Variants in CORO2B observed in about 807,000 individuals in gnomAD.
CORO2B encodes coronin-2B.
Under a neutral mutation model 58.8 loss-of-function variants are expected in CORO2B, and 26 were observed. The observed-to-expected ratio is 0.44, with a 90% CI of 0.32 to 0.61. CORO2B has a LOEUF of 0.61. CORO2B is among the 20% of genes least tolerant of loss of function. The pLI is 0.04. For synonymous variants in CORO2B, 242 were observed against 253.8 expected, an observed-to-expected ratio of 0.95 and a Z score of 0.44; for missense variants, 460 against 645.1, an observed-to-expected ratio of 0.71 and a Z score of 3.11.
At chr15:68,692,210 T>G (rs893834798) in intron 2 of CORO2B, among the ~76,000 whole-genome samples, 1 of 152,228 alleles carries the variant, frequency 6.6e-6, no homozygotes, top group Non-Finnish European at 1.5e-5. Flanking sequence ...TCATACCTAA[T>G]TAACAGGGTT....
At chr15:68,703,236 C>T (rs931605519) in intron 3 of CORO2B, among the ~76,000 whole-genome samples, 6 of 148,924 alleles carry the variant, frequency 4.0e-5, no homozygotes, top group East Asian at 2.0e-4. Context: ...CTGCAACCTC[C>T]GACTCCCTGG....
At chr15:68,611,654 A>G (rs1164746493) in intron 1 of CORO2B, among the ~76,000 whole-genome samples, 2 of 152,190 alleles carry the variant, frequency 1.3e-5, no homozygotes, top group East Asian at 1.9e-4. Context: ...TTATTAAGAT[A>G]TGGAATGTGC....
intron 1 of CORO2B, among the ~76,000 whole-genome samples, chr15:68,605,450 A>G (rs1295686046): frequency 6.6e-6 from 1 of 152,254 alleles, no homozygotes; most frequent in Non-Finnish European, 1.5e-5. Flanking sequence ...GCCTAATGGT[A>G]TGAGACTGGC....
chr15:68,566,761 C>A, the CORO2B span, among the ~76,000 whole-genome samples: 1 of 152,182 alleles, frequency 6.6e-6, no homozygotes, highest in Non-Finnish European at 1.5e-5. Flanking sequence ...TATCCAGGCA[C>A]CCTTGGGGTG....
the CORO2B span, among the ~76,000 whole-genome samples, chr15:68,532,984 TG>T: frequency 1.5e-4 from 23 of 152,222 alleles, no homozygotes; most frequent in African/African-American, 5.5e-4. Context: ...AGCCTCCACA[TG>T]GATGGCTTAT....
At chr15:68,615,877 A>G (rs542660034) in intron 1 of CORO2B, among the ~76,000 whole-genome samples, 248 of 152,316 alleles carry the variant, frequency 1.6e-3, no homozygotes, top group Middle Eastern at 3.4e-3. Flanking sequence ...GCCTGAAAGG[A>G]CTGAGACAAG....
In CORO2B at chr15:68,707,064, G is replaced by A. The variant is rs370966777; in HGVS notation, c.334-3668G>A. On this transcript the variant is annotated intron_variant, in intron 3 of 11. Coordinates refer to ENST00000261861, the MANE Select transcript of CORO2B (RefSeq NM_006091.5). The stretch of plus-strand genomic sequence containing the variant: ...CAAGCTCCACCTCCCAGGTTCCAGC[G>A]ATAGTCCTGCCTCAGCCTCCTGAGT... Among the ~76,000 whole-genome samples the A allele has an allele frequency of 3.3e-3, 503 of 152,190 alleles. 4 individuals carry two copies. Among genetic ancestry groups the A allele is most frequent in the African/African-American group, 0.01 (431 of 41,536 alleles).
intron 1 of CORO2B, among the ~76,000 whole-genome samples, chr15:68,637,952 C>A (rs768154620): frequency 2.6e-5 from 4 of 152,196 alleles, no homozygotes; most frequent in Non-Finnish European, 4.4e-5. Flanking sequence ...GATCCGAGGA[C>A]AGGATACAAT....
intron 2 of CORO2B, among the ~76,000 whole-genome samples, chr15:68,674,310 G>A (rs1220852334): frequency 6.6e-6 from 1 of 152,230 alleles, no homozygotes; most frequent in Non-Finnish European, 1.5e-5. Context: ...GCTTCGGGAC[G>A]GTGGGTAGTA....
chr15:68,567,777 T>A, the CORO2B span, among the ~76,000 whole-genome samples: 1 of 152,294 alleles, frequency 6.6e-6, no homozygotes, highest in Admixed American at 6.5e-5. Flanking sequence ...ATCCCAGCAC[T>A]TTGGGAGGCC....
intron 1 of CORO2B, among the ~76,000 whole-genome samples, chr15:68,593,024 A>G (rs1168077983): frequency 4.6e-5 from 7 of 152,188 alleles, no homozygotes; most frequent in Non-Finnish European, 5.9e-5. Flanking sequence ...GCATCTGGTG[A>G]GGGTCATCCC....
chr15:68,564,310 T>G, the CORO2B span, among the ~76,000 whole-genome samples: 1 of 151,032 alleles, frequency 6.6e-6, no homozygotes, highest in Non-Finnish European at 1.5e-5. Flanking sequence ...GTGAAATCTT[T>G]TTTTTTTTTT....
chr15:68,587,095 C>A (rs1246867691), intron 1 of CORO2B, among the ~76,000 whole-genome samples: 2 of 145,362 alleles, frequency 1.4e-5, no homozygotes, highest in African/African-American at 5.3e-5. Flanking sequence ...CACACACACA[C>A]AATTTTTTTC....
intron 2 of CORO2B, among the ~76,000 whole-genome samples, chr15:68,666,660 G>T (rs931427747): frequency 3.3e-5 from 5 of 152,150 alleles, no homozygotes; most frequent in African/African-American, 1.2e-4. Flanking sequence ...GAGAAAGCAG[G>T]GCGGCTGTGG....
chr15:68,676,715 C>A (rs1047842832), intron 2 of CORO2B, among the ~76,000 whole-genome samples: 4 of 152,160 alleles, frequency 2.6e-5, no homozygotes, highest in Admixed American at 2.6e-4. Context: ...TCCCAGAGGC[C>A]TTGACCTGAC....
chr15:68,697,214 T>TTGGATGGATGGATGGATGGATTGTTGGA lies in CORO2B; in HGVS notation c.333+1979_333+1980insTGTTGGATGGATGGATGGATGGATGGAT, dbSNP rs1567012444. 3.1e-3 allele frequency among the ~76,000 whole-genome samples: 463 copies of TTGGATGGATGGATGGATGGATTGTTGGA among 148,018 alleles called. 3 individuals are homozygous for TTGGATGGATGGATGGATGGATTGTTGGA. Among genetic ancestry groups the TTGGATGGATGGATGGATGGATTGTTGGA allele is most frequent in the African/African-American group, 0.011 (440 of 39,902 alleles). ...GTTGGATGGATGGATGGATGGATTGTTGGATGGATGGATGGATGGATGGAT... is the reference window on the plus strand; with the variant it reads ...GTTGGATGGATGGATGGATGGATTGTTGGATGGATGGATGGATGGATTGTTGGATGGATGGATGGATGGATGGATGGAT... On this transcript the variant is annotated intron_variant, in intron 3 of 11. Transcript: ENST00000261861.
intron 11 of CORO2B, among the ~76,000 whole-genome samples, chr15:68,720,867 C>T (rs1261933448): frequency 6.6e-6 from 1 of 152,172 alleles, no homozygotes; most frequent in South Asian, 2.1e-4. Flanking sequence ...ACTAGACAGT[C>T]TATACCACCA....
In CORO2B at chr15:68,710,657, G is replaced by A. The variant is rs567591580; in HGVS notation, c.334-75G>A. ...GCAGATCTCAGAAAGCCTGGTGTCC[G>A]AGGAAAGGGGCACCTCTCATCAAGG... On this transcript the variant is annotated intron_variant, in intron 3 of 11. Transcript: ENST00000261861. The surrounding 1 kb of genome is among the most constrained non-coding windows in gnomAD (Gnocchi z 4.1). 7.8e-6 allele frequency: 11 copies of A among 1,406,854 alleles called. No individual in the cohort carries two copies. The South Asian group carries it at 9.9e-5, about 13-fold the overall frequency. 87.1% of individuals were successfully genotyped at this position (1,406,854 alleles called of 1,614,324 possible).
the CORO2B span, among the ~76,000 whole-genome samples, chr15:68,544,448 C>G: frequency 6.6e-6 from 1 of 152,176 alleles, no homozygotes; most frequent in Non-Finnish European, 1.5e-5. Flanking sequence ...CCTGCTTCAA[C>G]TAGGGGAGAA....
Sources: gnomAD v4.1 joint callset for allele counts (sites outside exome capture counted in the v4.1 genomes callset) on GRCh38, gnomAD v4.1.1 for gene constraint, Gnocchi (gnomAD v3.1) non-coding constraint, MANE v1.5 for transcripts, NCBI Gene and HGNC (gene_info 2026-07-23, HGNC 2026-07-21) for gene names.